GNAI2: variants seen among roughly 807,000 people sequenced by gnomAD.
The protein encoded by GNAI2 is G protein subunit alpha i2.
A neutral mutation model predicts 36.8 loss-of-function variants in GNAI2; 4 were observed. The ratio of observed to expected loss-of-function variants is 0.11; its 90% CI spans 0.05 to 0.25. The LOEUF is 0.25. Ranked by LOEUF, GNAI2 falls within the 10% of genes least tolerant of loss-of-function variation. The pLI is 1.00. For synonymous variants in GNAI2, 194 were observed against 194.1 expected (o/e 1.00, Z 0.01); for missense variants, 230 against 481.3 (o/e 0.48, Z 4.89).
chr3:50,257,060 C>T lies in GNAI2; in HGVS notation c.847C>T (p.Pro283Ser), dbSNP rs1575457358. The change falls in exon 7 of 9, where the codon CCC becomes TCC. Residue 283 changes from proline to serine, a missense_variant. Transcript: ENST00000313601. ...GTTTGAGGAGAAGATCACACACAGT[C>T]CCCTGACCATCTGCTTCCCTGAGTA... ...DLFEEKITHS[P>S]LTICFPEYTG... is the part of the protein sequence containing the mutation. 3 of 1,613,970 alleles carry T rather than the reference C, an allele frequency of 1.9e-6. No homozygotes were observed. The highest frequency in any genetic ancestry group is 2.5e-6 in the Non-Finnish European group (3 of 1,179,844).
upstream of GNAI2, chr3:50,227,307 A>T: frequency 2.0e-6 from 1 of 506,644 alleles, no homozygotes; most frequent in South Asian, 4.7e-5. The surrounding 1 kb of genome is among the most constrained non-coding windows in gnomAD (Gnocchi z 5.9). Flanking sequence ...TGACGGCTGC[A>T]GCTCTGCGGA....
chr3:50,236,324 G>T lies in GNAI2; in HGVS notation c.-12G>T. 5.7e-6 allele frequency: 8 copies of T among 1,394,644 alleles called. No individual in the cohort carries two copies. The highest frequency in any genetic ancestry group is 7.4e-6 in the Non-Finnish European group (8 of 1,075,806). The allele number at this position is 1,394,644 out of a possible 1,614,324, so 86.4% of individuals were successfully genotyped here. On this transcript the variant is annotated 5_prime_UTR_variant, in exon 1 of 9. Coordinates refer to ENST00000313601, the MANE Select transcript of GNAI2 (RefSeq NM_002070.4). The surrounding 1 kb of genome is among the most constrained non-coding windows in gnomAD (Gnocchi z 4.0). ...TGGGGGCCGGGCGGCGGCCGGGCCG[G>T]CGGACGGCGGGATGGGCTGCACCGT...
chr3:50,252,608 TGCCTATAAATCCCAGCACTTTG>T lies in GNAI2; in HGVS notation c.303+72_303+93del. ...CGGGGTGGCTGGTTGTGGTGGCTCA[TGCCTATAAATCCCAGCACTTTG>T]GGACGCCGAGGCGGGTGGATCACCT... On this transcript the variant is annotated intron_variant, in intron 3 of 8. Transcript: ENST00000313601. This position sits in a 1 kb window ranked among gnomAD's most constrained non-coding sequence, Gnocchi z 4.1. 1 of 1,320,972 alleles carries T rather than the reference TGCCTATAAATCCCAGCACTTTG, an allele frequency of 7.6e-7. No homozygotes were observed. Among genetic ancestry groups the T allele is most frequent in the East Asian group, 2.5e-5 (1 of 40,534 alleles). 81.8% of individuals were successfully genotyped at this position (1,320,972 alleles called of 1,614,324 possible).
At chr3:50,244,595 G>A (rs1187199115) in intron 1 of GNAI2, among the ~76,000 whole-genome samples, 3 of 152,240 alleles carry the variant, frequency 2.0e-5, no homozygotes, top group Non-Finnish European at 2.9e-5. Context: ...CACAGGCTCA[G>A]TGCTGGGTGC....
At chr3:50,227,396 C>CA (rs1699994701), upstream of GNAI2, 2 of 384,294 alleles carry the variant, frequency 5.2e-6, no homozygotes, top group Non-Finnish European at 9.3e-6. This position sits in a 1 kb window ranked among gnomAD's most constrained non-coding sequence, Gnocchi z 5.9. Context: ...GACAGGAGAG[C>CA]AGGCAAGGCG....
intron 1 of GNAI2, chr3:50,251,787 G>A: frequency 7.6e-7 from 1 of 1,308,600 alleles, no homozygotes; most frequent in Admixed American, 2.6e-5. Context: ...CTCCTTCATG[G>A]CTGGCCAAGT....
chr3:50,227,275 G>C, upstream of GNAI2: 1 of 717,298 alleles, frequency 1.4e-6, no homozygotes. This position sits in a 1 kb window ranked among gnomAD's most constrained non-coding sequence, Gnocchi z 5.9. Context: ...GTGCCACAGA[G>C]GGCTAGTTGC....
At chr3:50,247,763 T>G (rs1483345940) in intron 1 of GNAI2, among the ~76,000 whole-genome samples, 1 of 152,230 alleles carries the variant, frequency 6.6e-6, no homozygotes, top group Non-Finnish European at 1.5e-5. Flanking sequence ...GGTTTCTTCC[T>G]TGGTGGGAAG....
chr3:50,229,426 C>T (rs1373834569), upstream of GNAI2: 2 of 152,282 alleles, frequency 1.3e-5, no homozygotes, highest in African/African-American at 4.8e-5. Context: ...CAGGAACACC[C>T]TGAATGCCAG....
At position 50,236,461 on chromosome 3, in the gene GNAI2, C is replaced by A; in HGVS notation, c.118+8C>A. On this transcript the variant is annotated splice_region_variant and intron_variant, in intron 1 of 8. Coordinates refer to ENST00000313601, the MANE Select transcript of GNAI2 (RefSeq NM_002070.4). The surrounding 1 kb of genome is among the most constrained non-coding windows in gnomAD (Gnocchi z 4.0). ...TGAAGTTGCTGCTGTTGGGTGAGGC[C>A]GCGTCCCGCACTGGGATCCTTGATT... The A allele has an allele frequency of 6.4e-7, 1 of 1,572,668 alleles. No homozygotes were observed. The highest frequency in any genetic ancestry group is 1.9e-5 in the Admixed American group (1 of 52,724).
intron 1 of GNAI2, among the ~76,000 whole-genome samples, chr3:50,247,501 G>T (rs1700451841): frequency 6.6e-6 from 1 of 152,352 alleles, no homozygotes; most frequent in Non-Finnish European, 1.5e-5. Context: ...TGAATGCTGG[G>T]GCCTGGACTA....
Position 50,236,567 on chromosome 3 carries a change from C to A in GNAI2, c.118+114C>A. 7.2e-7 allele frequency: 1 copy of A among 1,386,922 alleles called. No individual in the cohort carries two copies. The highest frequency in any genetic ancestry group is 9.5e-7 in the Non-Finnish European group (1 of 1,052,762). 85.9% of individuals were successfully genotyped at this position (1,386,922 alleles called of 1,614,324 possible). A position where few individuals can be genotyped will look rare whatever the true frequency, so the allele number is the denominator to read the frequency against. On this transcript the variant is annotated intron_variant, in intron 1 of 8. Coordinates refer to ENST00000313601, the MANE Select transcript of GNAI2 (RefSeq NM_002070.4). The surrounding 1 kb of genome is among the most constrained non-coding windows in gnomAD (Gnocchi z 4.0). ...CCCAGACCCGGGCTGTCTGGGACCCCACACCTGGGCCAGGACCAGGGTTGA... is the reference window on the plus strand; with the variant it reads ...CCCAGACCCGGGCTGTCTGGGACCCAACACCTGGGCCAGGACCAGGGTTGA...
intron 1 of GNAI2, among the ~76,000 whole-genome samples, chr3:50,248,109 C>T (rs587716919): frequency 6.6e-6 from 1 of 152,352 alleles, no homozygotes; most frequent in Admixed American, 6.5e-5. Context: ...GTGGCACATG[C>T]CTGTAGTCCC....
upstream of GNAI2, among the ~76,000 whole-genome samples, chr3:50,235,518 C>T (rs1170967560): frequency 6.6e-6 from 1 of 152,142 alleles, no homozygotes; most frequent in East Asian, 1.9e-4. Flanking sequence ...TGGGGTTTCA[C>T]CATGTTGGCC....
intron 1 of GNAI2, among the ~76,000 whole-genome samples, chr3:50,249,713 C>A (rs1461895835): frequency 6.6e-5 from 10 of 152,260 alleles, no homozygotes; most frequent in Admixed American, 6.5e-4. Flanking sequence ...ACCCAACTAG[C>A]TGTCACTCCC....
At chr3:50,240,706 C>G (rs1206889666) in intron 1 of GNAI2, among the ~76,000 whole-genome samples, 2 of 152,080 alleles carry the variant, frequency 1.3e-5, no homozygotes, top group Non-Finnish European at 2.9e-5. Context: ...CACCTGAGGT[C>G]AGGAGTTCAA....
intron 4 of GNAI2, 148 bp from the exon 5 acceptor site, chr3:50,256,044 C>CAAAAA (rs1170893603): frequency 6.8e-4 from 97 of 142,738 alleles, no homozygotes; most frequent in African/African-American, 3.3e-3. Context: ...CACTCTGTCT[C>CAAAAA]AAAAAAAAAA....
At chr3:50,250,216 G>C (rs898018693) in intron 1 of GNAI2, among the ~76,000 whole-genome samples, 6 of 152,208 alleles carry the variant, frequency 3.9e-5, no homozygotes, top group African/African-American at 1.4e-4. Context: ...TCTGGCACAT[G>C]GTGGGCGCTG....
At chr3:50,228,720 A>G (rs1700019752), upstream of GNAI2, among the ~76,000 whole-genome samples, 1 of 152,054 alleles carries the variant, frequency 6.6e-6, no homozygotes, top group South Asian at 2.1e-4. Flanking sequence ...TCCTGTTGGC[A>G]TGGCATGCCA....
Sources: gnomAD v4.1 joint callset for allele counts (sites outside exome capture counted in the v4.1 genomes callset) on GRCh38, gnomAD v4.1.1 for gene constraint, Gnocchi (gnomAD v3.1) non-coding constraint, MANE v1.5 for transcripts, NCBI Gene and HGNC (gene_info 2026-07-23, HGNC 2026-07-21) for gene names.